Variants in CADM1 observed in about 807,000 individuals in gnomAD.
The protein encoded by CADM1 is TSLC-1.
In CADM1, 15 loss-of-function variants were observed where a neutral mutation model predicts 53.1. That is an observed-to-expected ratio of 0.28 (90% CI 0.19 to 0.44). The LOEUF is 0.44. Ranked by LOEUF, CADM1 falls within the 20% of genes least tolerant of loss-of-function variation. The pLI is 1.00. For synonymous variants in CADM1, 281 were observed against 243.0 expected (o/e 1.16, Z -1.45); for missense variants, 434 against 611.3 (o/e 0.71, Z 3.06).
intron 1 of CADM1, among the ~76,000 whole-genome samples, chr11:115,478,889 G>A (rs314508): frequency 0.046 from 7,061 of 152,170 alleles, 193 homozygotes; most frequent in Middle Eastern, 0.092. Context: ...GTATTCCATT[G>A]TATGGACAGA....
Position 115,175,106 on chromosome 11 carries a change from A to G in CADM1, c.*1368T>C. ...GTGTATGAAAGGTAAAAAGATAAAA[A>G]CACTCACATTTGAGTTTTGATTAAG... On this transcript the variant is annotated 3_prime_UTR_variant, in exon 12 of 12. Coordinates refer to ENST00000331581, the MANE Select transcript of CADM1 (RefSeq NM_001301043.2). The G allele has an allele frequency of 1.0e-6, 1 of 985,814 alleles. No individual in the cohort carries two copies. Among genetic ancestry groups the G allele is most frequent in the African/African-American group, 1.7e-5 (1 of 57,348 alleles). 61.1% of individuals were successfully genotyped at this position (985,814 alleles called of 1,614,324 possible). A position where few individuals can be genotyped will look rare whatever the true frequency, so the allele number is the denominator to read the frequency against.
chr11:115,302,036 C>T lies in CADM1; in HGVS notation c.125-61616G>A, dbSNP rs572642037. ...GATATCAGGTAAAGCATTCAGTAAACGCAGACACACACACACATACAAACA... is the reference window on the plus strand; with the variant it reads ...GATATCAGGTAAAGCATTCAGTAAATGCAGACACACACACACATACAAACA... On this transcript the variant is annotated intron_variant, in intron 1 of 11. Transcript: ENST00000331581. 7.9e-5 allele frequency among the ~76,000 whole-genome samples: 12 copies of T among 151,930 alleles called. No individual in the cohort carries two copies. The South Asian group carries it at 1.9e-3, about 24-fold the overall frequency.
At chr11:115,412,112 G>A (rs952860699) in intron 1 of CADM1, among the ~76,000 whole-genome samples, 6 of 152,068 alleles carry the variant, frequency 3.9e-5, no homozygotes, top group Admixed American at 6.5e-5. Flanking sequence ...TTTATAATGC[G>A]AACTTAAGCA....
rs571810448 is a variant in CADM1 at position 115,176,008 on chromosome 11, A to C, written c.*466T>G. On this transcript the variant is annotated 3_prime_UTR_variant, in exon 12 of 12. Coordinates refer to ENST00000331581, the MANE Select transcript of CADM1 (RefSeq NM_001301043.2). ...GAAAGCAGTTACCATAAAAATAAAC[A>C]AAAGTAAAAAACTAGAACAGAAAAG... 2 of 1,042,974 alleles carry C rather than the reference A, an allele frequency of 1.9e-6. No individual in the cohort carries two copies. The highest frequency in any genetic ancestry group is 8.7e-5 in the East Asian group (1 of 11,518). The allele number at this position is 1,042,974 out of a possible 1,614,324, so 64.6% of individuals were successfully genotyped here.
chr11:115,283,185 T>C (rs1323561046), intron 1 of CADM1, among the ~76,000 whole-genome samples: 1 of 152,176 alleles, frequency 6.6e-6, no homozygotes, highest in African/African-American at 2.4e-5. Context: ...CTGCCCTCAT[T>C]AGGAAAACAG....
chr11:115,450,739 CAGTG>C (rs1481130064), intron 1 of CADM1, among the ~76,000 whole-genome samples: 1 of 152,168 alleles, frequency 6.6e-6, no homozygotes, highest in African/African-American at 2.4e-5. Flanking sequence ...CTATCATTGC[CAGTG>C]AGTATTAACA....
At chr11:115,400,907 T>C (rs930508483) in intron 1 of CADM1, among the ~76,000 whole-genome samples, 1 of 151,364 alleles carries the variant, frequency 6.6e-6, no homozygotes, top group Non-Finnish European at 1.5e-5. Context: ...GAAGGCAAAA[T>C]AGTACAGCCA....
intron 1 of CADM1, among the ~76,000 whole-genome samples, chr11:115,400,614 T>C (rs1372097710): frequency 1.4e-5 from 2 of 140,156 alleles, no homozygotes; most frequent in African/African-American, 5.4e-5. Flanking sequence ...ATAATATATA[T>C]CTTTTATATA....
chr11:115,388,218 GGATA>G (rs566864348), intron 1 of CADM1, among the ~76,000 whole-genome samples: 2 of 152,236 alleles, frequency 1.3e-5, no homozygotes, highest in Admixed American at 1.3e-4. Flanking sequence ...ACAGATAGAT[GGATA>G]GACAGACTGA....
chr11:115,215,811 C>T (rs1219148883), intron 6 of CADM1, among the ~76,000 whole-genome samples: 1 of 152,170 alleles, frequency 6.6e-6, no homozygotes, highest in Non-Finnish European at 1.5e-5. Flanking sequence ...CAACAGAGAT[C>T]CAGCACACAA....
intron 1 of CADM1, among the ~76,000 whole-genome samples, chr11:115,421,430 T>A (rs1256322026): frequency 6.6e-6 from 1 of 152,240 alleles, no homozygotes; most frequent in Non-Finnish European, 1.5e-5. Context: ...ACCTGTCGCA[T>A]CTCAACACAG....
chr11:115,302,416 T>A lies in CADM1; in HGVS notation c.125-61996A>T, dbSNP rs576566102. 6.6e-5 allele frequency among the ~76,000 whole-genome samples: 10 copies of A among 152,240 alleles called. No individual in the cohort carries two copies. In the South Asian group the frequency reaches 1.7e-3, roughly 25 times the overall value. ...ACCTACAAATAGCAAGTGCATTTTTTAAACTGATATATCAAAGAAACTTGA... is the reference window on the plus strand; with the variant it reads ...ACCTACAAATAGCAAGTGCATTTTTAAAACTGATATATCAAAGAAACTTGA... On this transcript the variant is annotated intron_variant, in intron 1 of 11. Coordinates refer to ENST00000331581, the MANE Select transcript of CADM1 (RefSeq NM_001301043.2).
chr11:115,393,093 AG>A (rs1946884786), intron 1 of CADM1, among the ~76,000 whole-genome samples: 1 of 147,844 alleles, frequency 6.8e-6, no homozygotes, highest in African/African-American at 2.5e-5. Context: ...AAAAAAAAGG[AG>A]AAATAGCCCA....
intron 1 of CADM1, among the ~76,000 whole-genome samples, chr11:115,268,769 C>T (rs1044310278): frequency 3.3e-5 from 5 of 152,216 alleles, no homozygotes; most frequent in African/African-American, 7.2e-5. Context: ...TGTGCTCTCC[C>T]GTTCCTGAGC....
At chr11:115,255,872 T>A (rs1942768592) in intron 1 of CADM1, among the ~76,000 whole-genome samples, 2 of 152,030 alleles carry the variant, frequency 1.3e-5, no homozygotes, top group Admixed American at 1.3e-4. Context: ...AATGCACAAA[T>A]GAAAAATCCT....
intron 1 of CADM1, among the ~76,000 whole-genome samples, chr11:115,373,875 C>A: frequency 2.0e-5 from 3 of 152,072 alleles, no homozygotes; most frequent in Non-Finnish European, 4.4e-5. Context: ...TTTTCACATG[C>A]ATGAATGAAA....
In CADM1 at chr11:115,455,355, G is replaced by A. The variant is rs369532987; in HGVS notation, c.124+48916C>T. On this transcript the variant is annotated intron_variant, in intron 1 of 11. Coordinates refer to ENST00000331581, the MANE Select transcript of CADM1 (RefSeq NM_001301043.2). ...AAAAGAAAAAAAAGTGGAGGGTGGT[G>A]GCAAAAGTATCTCTAAGAAAAGAGG... Among the ~76,000 whole-genome samples the A allele has an allele frequency of 4.6e-5, 7 of 151,576 alleles. No homozygotes were observed. The South Asian group carries it at 1.5e-3, about 32-fold the overall frequency.
intron 5 of CADM1, among the ~76,000 whole-genome samples, chr11:115,219,163 C>T (rs1941309198): frequency 6.6e-6 from 1 of 152,116 alleles, no homozygotes; most frequent in African/African-American, 2.4e-5. Context: ...ATCATACCAC[C>T]TAAACAACAG....
chr11:115,265,764 T>C (rs1943116319), intron 1 of CADM1, among the ~76,000 whole-genome samples: 1 of 152,210 alleles, frequency 6.6e-6, no homozygotes, highest in Non-Finnish European at 1.5e-5. Flanking sequence ...TTAAAATATA[T>C]GGCTGTACAT....
Sources: allele counts gnomAD v4.1 joint callset (sites outside exome capture counted in the v4.1 genomes callset), GRCh38; gene constraint gnomAD v4.1.1; transcripts MANE v1.5; gene names NCBI Gene and HGNC (gene_info 2026-07-23, HGNC 2026-07-21).